WDFY4: variants seen among roughly 807,000 people sequenced by gnomAD.
The protein encoded by WDFY4 is WD repeat- and FYVE domain-containing protein 4.
A neutral mutation model predicts 351.9 loss-of-function variants in WDFY4; 169 were observed. The ratio of observed to expected loss-of-function variants is 0.48; its 90% confidence interval spans 0.42 to 0.55. The LOEUF (loss-of-function observed/expected upper bound fraction) is 0.55. Among genes scored for constraint, WDFY4 ranks in the 20% least tolerant of loss-of-function variants. WDFY4 has a pLI of 0.00. For missense variants in WDFY4, 3,803 were observed against 3,935.6 expected (o/e 0.97, Z 0.90); for synonymous variants, 1,622 against 1,574.6 (o/e 1.03, Z -0.71).
chr10:48,982,361 A>T, intron 61 of WDFY4, 148 bp from the exon 62 acceptor site: 1 of 587,684 alleles, frequency 1.7e-6, no homozygotes, highest in Non-Finnish European at 2.8e-6. Flanking sequence ...CATTCCTCCC[A>T]CTGCCTCCCC....
intron 39 of WDFY4, among the ~76,000 whole-genome samples, chr10:48,863,907 G>A (rs561390563): frequency 5.3e-5 from 8 of 152,210 alleles, no homozygotes; most frequent in South Asian, 2.1e-4. Flanking sequence ...AGTGTTGAGC[G>A]AAGTGGGGAA....
In WDFY4 at chr10:48,869,743, G is replaced by A. The variant is rs557245792; in HGVS notation, c.6741+2401G>A. Among the ~76,000 whole-genome samples the A allele has an allele frequency of 2.0e-5, 3 of 152,186 alleles. No individual in the cohort carries two copies. In the South Asian group the frequency reaches 6.2e-4, roughly 32 times the overall value. ...ATAATTTGCAGAAATGACTTATCCTGCCTACACAGTCTTTACTGGTTGGAG... is the reference window on the plus strand; with the variant it reads ...ATAATTTGCAGAAATGACTTATCCTACCTACACAGTCTTTACTGGTTGGAG... On this transcript the variant is annotated intron_variant, in intron 40 of 61. Coordinates refer to ENST00000325239, the MANE Select transcript of WDFY4 (RefSeq NM_001394531.1).
At chr10:48,900,411 AGTGAAC>A in intron 46 of WDFY4, 105 bp downstream of exon 46, 2 of 1,055,422 alleles carry the variant, frequency 1.9e-6, no homozygotes, top group Non-Finnish European at 2.7e-6. Flanking sequence ...CTCAACCCAC[AGTGAAC>A]GCCACTCAGG....
chr10:48,973,222 C>G (rs1319622498), intron 57 of WDFY4, among the ~76,000 whole-genome samples: 1 of 152,192 alleles, frequency 6.6e-6, no homozygotes, highest in Non-Finnish European at 1.5e-5. Flanking sequence ...TTGCTATTTC[C>G]CCTGCAGTCA....
Position 48,810,548 on chromosome 10 carries a change from T to G in WDFY4, c.4857T>G (p.Phe1619Leu). Reference protein sequence around the residue: ...HLSSESKEEMFLKLGPDWFLL... With the variant: ...HLSSESKEEMLLKLGPDWFLL... Reference sequence around the variant, plus strand: ...TCCCCAGGTCAAAGGAAGAGATGTTTCTGAAACTGGGGCCTGACTGGTTCC... The same window carrying G: ...TCCCCAGGTCAAAGGAAGAGATGTTGCTGAAACTGGGGCCTGACTGGTTCC... The change falls in exon 29 of 62, where the codon TTT (phenylalanine) becomes TTG (leucine). Residue 1619 changes from phenylalanine (F) to leucine (L), a missense_variant. Around this residue, in one of 3 missense-constraint regions of WDFY4, gnomAD observed 3,054 missense variants for 3,148.6 expected, o/e 0.97. Transcript: ENST00000325239. 3 of 1,551,590 alleles carry G rather than the reference T, an allele frequency of 1.9e-6. No homozygotes were observed. Among genetic ancestry groups the G allele is most frequent in the Non-Finnish European group, 2.6e-6 (3 of 1,146,964 alleles).
At chr10:48,971,762 T>C (rs2131841705) in intron 57 of WDFY4, among the ~76,000 whole-genome samples, 1 of 152,238 alleles carries the variant, frequency 6.6e-6, no homozygotes, top group South Asian at 2.1e-4. Flanking sequence ...CTGACACATA[T>C]GCAGGGGCAG....
intron 13 of WDFY4, among the ~76,000 whole-genome samples, chr10:48,761,663 G>A (rs988939891): frequency 6.6e-6 from 1 of 152,206 alleles, no homozygotes; most frequent in Non-Finnish European, 1.5e-5. Context: ...TGGAGTAACA[G>A]AACAAGACGA....
At chr10:48,942,111 C>T (rs1429301657) in intron 48 of WDFY4, among the ~76,000 whole-genome samples, 1 of 152,100 alleles carries the variant, frequency 6.6e-6, no homozygotes, top group Admixed American at 6.6e-5. Context: ...ATTACAGGCA[C>T]CTACCACTAG....
At position 48,817,233 on chromosome 10, in the gene WDFY4, A is replaced by C; in HGVS notation, c.5341-12A>C. Reference sequence around the variant, plus strand: ...TGCTGCCCTGCACTACCTCTCACCAAGTGTGCCTCAGCCCCTGGCAGGTTC... The same window carrying C: ...TGCTGCCCTGCACTACCTCTCACCACGTGTGCCTCAGCCCCTGGCAGGTTC... On this transcript the variant is annotated splice_polypyrimidine_tract_variant and intron_variant, in intron 31 of 61. Coordinates refer to ENST00000325239, the MANE Select transcript of WDFY4 (RefSeq NM_001394531.1). 1 of 1,551,224 alleles carries C rather than the reference A, an allele frequency of 6.4e-7. No homozygotes were observed. The highest frequency in any genetic ancestry group is 8.7e-7 in the Non-Finnish European group (1 of 1,146,790).
intron 47 of WDFY4, chr10:48,935,274 G>A (rs1463858599): frequency 6.6e-6 from 1 of 152,222 alleles, no homozygotes; most frequent in Admixed American, 6.5e-5. Flanking sequence ...CTTGACACCA[G>A]CCTGCAAAGT....
intron 59 of WDFY4, 144 bp downstream of exon 59, chr10:48,977,123 A>T (rs1842603168): frequency 1.3e-6 from 1 of 741,554 alleles, no homozygotes. Flanking sequence ...AAGGGAAAAG[A>T]CAAGGCTCTT....
chr10:48,812,179 C>CTTTTTTTTTTTTTTTTTTT (rs1355851618), intron 30 of WDFY4, among the ~76,000 whole-genome samples: 1 of 134,556 alleles, frequency 7.4e-6, no homozygotes, highest in African/African-American at 3.1e-5. Flanking sequence ...TCTTTCTTTT[C>CTTTTTTTTTTTTTTTTTTT]TTTTTTTTTT....
chr10:48,873,802 A>G, intron 41 of WDFY4, 105 bp downstream of exon 41: 1 of 1,287,908 alleles, frequency 7.8e-7, no homozygotes, highest in Admixed American at 2.6e-5. Context: ...GGCTAAGATA[A>G]CACATGCAGT....
intron 1 of WDFY4, among the ~76,000 whole-genome samples, chr10:48,702,033 A>G (rs564387139): frequency 2.9e-4 from 44 of 152,348 alleles, no homozygotes; most frequent in African/African-American, 1.0e-3. Context: ...TTACTGAAAT[A>G]CAATTTACAT....
At chr10:48,951,388 G>C (rs1165771953) in intron 51 of WDFY4, among the ~76,000 whole-genome samples, 1 of 152,168 alleles carries the variant, frequency 6.6e-6, no homozygotes, top group Non-Finnish European at 1.5e-5. Context: ...ATCTCCCCCA[G>C]CAGCAGCCCC....
At chr10:48,977,636 G>A (rs1842633625) in intron 59 of WDFY4, among the ~76,000 whole-genome samples, 1 of 152,242 alleles carries the variant, frequency 6.6e-6, no homozygotes, top group South Asian at 2.1e-4. Context: ...AGGAGCCTGG[G>A]GTGGCCGAGC....
At chr10:48,786,562 A>G (rs1434755187) in intron 19 of WDFY4, 77 bp from the exon 20 acceptor site, 14 of 1,093,624 alleles carry the variant, frequency 1.3e-5, no homozygotes, top group Non-Finnish European at 1.8e-5. Context: ...AAGATGCATC[A>G]TGTTATATCA....
At chr10:48,695,527 C>T (rs531102873) in intron 1 of WDFY4, among the ~76,000 whole-genome samples, 8 of 152,206 alleles carry the variant, frequency 5.3e-5, no homozygotes, top group African/African-American at 1.4e-4. Context: ...TCGCTTTACC[C>T]ATCTGTACAG....
At chr10:48,930,790 C>CAA (rs200974319) in intron 47 of WDFY4, among the ~76,000 whole-genome samples, 4 of 150,904 alleles carry the variant, frequency 2.7e-5, no homozygotes, top group Non-Finnish European at 3.0e-5. Context: ...GAAACTAAAA[C>CAA]AAAAAAAAAT....
Sources: gnomAD v4.1 joint callset for allele counts (sites outside exome capture counted in the v4.1 genomes callset) on GRCh38, gnomAD v4.1.1 for gene constraint, gnomAD v4.1.1 regional missense constraint, MANE v1.5 for transcripts, NCBI Gene and HGNC (gene_info 2026-07-23, HGNC 2026-07-21) for gene names.